The following CEP112 variants were observed in gnomAD, a reference collection of about 807,000 sequenced individuals.
CEP112 encodes centrosomal protein 112, also known as centrosomal protein of 112 kDa.
Under a neutral mutation model 153.0 loss-of-function variants are expected in CEP112, and 127 were observed. The ratio of observed to expected loss-of-function variants is 0.83; its 90% CI spans 0.72 to 0.96. CEP112 has a LOEUF of 0.96. Among genes scored for constraint, CEP112 ranks in the 40% least tolerant of loss-of-function variants. The pLI, the probability that CEP112 is intolerant of heterozygous loss-of-function variation, is 0.00. For synonymous variants in CEP112, 358 were observed against 374.4 expected (o/e 0.96, Z 0.51); for missense variants, 1,089 against 1,101.2 (o/e 0.99, Z 0.16).
chr17:66,122,941 C>T (rs888716454), intron 6 of CEP112, among the ~76,000 whole-genome samples: 2 of 152,168 alleles, frequency 1.3e-5, no homozygotes, highest in African/African-American at 4.8e-5. Flanking sequence ...TCTACAGCAT[C>T]CTTAGGTTTG....
At chr17:65,903,428 T>A (rs552949241) in intron 19 of CEP112, 24 of 152,288 alleles carry the variant, frequency 1.6e-4, no homozygotes, top group African/African-American at 5.5e-4. Context: ...ATTTCAGAAG[T>A]TTTCTTTTTA....
chr17:65,958,379 T>C (rs1327818103), intron 18 of CEP112, among the ~76,000 whole-genome samples: 3 of 152,334 alleles, frequency 2.0e-5, no homozygotes, highest in Non-Finnish European at 2.9e-5. Context: ...TTACATTATA[T>C]GTAACATGAA....
intron 12 of CEP112, among the ~76,000 whole-genome samples, chr17:66,045,457 T>A (rs952384735): frequency 2.0e-5 from 3 of 152,194 alleles, no homozygotes; most frequent in African/African-American, 7.2e-5. Flanking sequence ...TAAACTGGTA[T>A]GACCACTTTG....
intron 24 of CEP112, among the ~76,000 whole-genome samples, chr17:65,653,173 C>T (rs2045875063): frequency 6.6e-6 from 1 of 152,188 alleles, no homozygotes; most frequent in Non-Finnish European, 1.5e-5. Flanking sequence ...GGGACACAAA[C>T]ATTCATTGTA....
intron 17 of CEP112, among the ~76,000 whole-genome samples, chr17:65,981,416 A>G (rs2063221340): frequency 6.6e-6 from 1 of 152,208 alleles, no homozygotes; most frequent in African/African-American, 2.4e-5. Flanking sequence ...GAAGTCACCA[A>G]CATGGAAGAT....
intron 17 of CEP112, 58 bp downstream of exon 17, chr17:66,005,632 T>A: frequency 6.4e-7 from 1 of 1,561,434 alleles, no homozygotes; most frequent in Non-Finnish European, 8.6e-7. Context: ...GTTACTTAAT[T>A]TGGCTCACAG....
chr17:65,756,309 G>A (rs183116326), intron 21 of CEP112, among the ~76,000 whole-genome samples: 2,301 of 150,434 alleles, frequency 0.015, 44 homozygotes, highest in Middle Eastern at 0.054. Context: ...GGGAGGCTGA[G>A]GCAGAATAAT....
At chr17:65,820,072 TTTCA>T (rs2056453006) in intron 21 of CEP112, among the ~76,000 whole-genome samples, 2 of 152,112 alleles carry the variant, frequency 1.3e-5, no homozygotes, top group Non-Finnish European at 2.9e-5. Flanking sequence ...TTTTGTAACA[TTTCA>T]GTAAGTGTAA....
intron 6 of CEP112, among the ~76,000 whole-genome samples, chr17:66,104,055 G>A (rs544724764): frequency 6.6e-6 from 1 of 152,148 alleles, no homozygotes; most frequent in African/African-American, 2.4e-5. Context: ...AGGCAGTCTA[G>A]GTCACAAGGA....
intron 24 of CEP112, chr17:65,655,181 T>C: frequency 1.3e-6 from 1 of 763,262 alleles, no homozygotes; most frequent in Admixed American, 1.7e-5. Context: ...AATCTAATAT[T>C]GACAAGTGGC....
chr17:65,660,649 A>G (rs1374627672), intron 24 of CEP112, among the ~76,000 whole-genome samples: 1 of 151,748 alleles, frequency 6.6e-6, no homozygotes, highest in Non-Finnish European at 1.5e-5. Context: ...GTCTTAGGTG[A>G]TCCTCCCACC....
At chr17:66,170,213 T>C (rs561181413) in intron 4 of CEP112, among the ~76,000 whole-genome samples, 1 of 152,216 alleles carries the variant, frequency 6.6e-6, no homozygotes, top group Admixed American at 6.5e-5. Flanking sequence ...GGGAGGGGAT[T>C]ATATAAGGGT....
At chr17:65,774,482 G>A (rs2053564823) in intron 21 of CEP112, among the ~76,000 whole-genome samples, 1 of 152,162 alleles carries the variant, frequency 6.6e-6, no homozygotes, top group Non-Finnish European at 1.5e-5. Context: ...GTTCAAGCTG[G>A]CCAACAAGAC....
At chr17:65,859,877 T>G (rs2058251001) in intron 20 of CEP112, among the ~76,000 whole-genome samples, 1 of 147,568 alleles carries the variant, frequency 6.8e-6, no homozygotes, top group African/African-American at 2.5e-5. Context: ...AAAAATTAGC[T>G]GGGTGTGGTG....
chr17:65,667,496 T>C (rs1040597038), intron 24 of CEP112, among the ~76,000 whole-genome samples: 3 of 152,020 alleles, frequency 2.0e-5, no homozygotes, highest in African/African-American at 7.3e-5. Flanking sequence ...AAAATATATA[T>C]TATTTTCACT....
chr17:65,966,202 G>T (rs972037688), intron 17 of CEP112, among the ~76,000 whole-genome samples: 1 of 152,008 alleles, frequency 6.6e-6, no homozygotes, highest in Non-Finnish European at 1.5e-5. Context: ...AGTATATAAA[G>T]GATAAAGAAA....
rs1337647483 is a variant in CEP112, at chr17:66,176,955, T to C, written c.172A>G (p.Met58Val). ...CEPSGTGAGIMGRKNRNLYAK... is the reference protein window; with the variant it reads ...CEPSGTGAGIVGRKNRNLYAK... ...TACAGGTTCCGATTCTTCCTCCCCA[T>C]TATTCCTGCACCTGTTCCTGAAGGT... Residue 58 changes from methionine to valine, a missense_variant, in exon 3 of 27, where the codon ATG (methionine) becomes GTG (valine). Physicochemically the swap from Met to Val is conservative, Grantham distance 21. Coordinates refer to ENST00000535342, the MANE Select transcript of CEP112 (RefSeq NM_001199165.4). The C allele has an allele frequency of 3.1e-6, 5 of 1,613,856 alleles. No homozygotes were observed. The highest frequency in any genetic ancestry group is 3.4e-6 in the Non-Finnish European group (4 of 1,179,894).
At chr17:65,861,812 C>T (rs946602551) in intron 20 of CEP112, among the ~76,000 whole-genome samples, 4 of 152,152 alleles carry the variant, frequency 2.6e-5, no homozygotes, top group Admixed American at 6.5e-5. Context: ...CGTGATAAAA[C>T]CCTACTGTAA....
In CEP112 at chr17:66,191,864, G is replaced by C. The variant is rs867966098; in HGVS notation, c.-9+133C>G. ...CGCGCGCCCCCCAGGCCCGGAGAAC[G>C]GGCCCAGGGCCTGAGGGCGACGCCC... On this transcript the variant is annotated intron_variant, in intron 1 of 26. Transcript: ENST00000535342. The surrounding 1 kb of genome is among the most constrained non-coding windows in gnomAD (Gnocchi z 4.2). The C allele has an allele frequency of 1.3e-5, 2 of 152,174 alleles. No individual in the cohort carries two copies. Among genetic ancestry groups the C allele is most frequent in the Non-Finnish European group, 2.9e-5 (2 of 67,996 alleles). 9.4% of individuals were successfully genotyped at this position (152,174 alleles called of 1,614,324 possible).
Sources: gnomAD v4.1 joint callset for allele counts (sites outside exome capture counted in the v4.1 genomes callset) on GRCh38, gnomAD v4.1.1 for gene constraint, Gnocchi (gnomAD v3.1) non-coding constraint, MANE v1.5 for transcripts, NCBI Gene and HGNC (gene_info 2026-07-23, HGNC 2026-07-21) for gene names.